Variants in SV2C observed in about 807,000 individuals in gnomAD.
SV2C encodes synaptic vesicle glycoprotein 2C, also known as solute carrier family 22 member B3.
A neutral mutation model predicts 79.7 loss-of-function variants in SV2C; 49 were observed. The observed-to-expected ratio is 0.61, with a 90% CI of 0.49 to 0.78. The LOEUF is 0.78. Among genes scored for constraint, SV2C ranks in the 30% least tolerant of loss-of-function variants. The pLI, the probability that SV2C is intolerant of heterozygous loss-of-function variation, is 0.00. For synonymous variants in SV2C, 334 were observed against 333.2 expected (o/e 1.00, Z -0.03); for missense variants, 833 against 912.9 (o/e 0.91, Z 1.13).
intron 1 of SV2C, among the ~76,000 whole-genome samples, chr5:76,113,143 C>T (rs1748146759): frequency 6.6e-6 from 1 of 152,222 alleles, no homozygotes; most frequent in Non-Finnish European, 1.5e-5. Context: ...CTTACTATGT[C>T]TTTTAATAAG....
chr5:75,934,988 T>C, the SV2C span, among the ~76,000 whole-genome samples: 1 of 151,966 alleles, frequency 6.6e-6, no homozygotes, highest in Admixed American at 6.6e-5. Flanking sequence ...AATATTAATA[T>C]ATAGAAATGC....
At chr5:76,201,981 A>C (rs1286185725) in intron 3 of SV2C, among the ~76,000 whole-genome samples, 1 of 140,442 alleles carries the variant, frequency 7.1e-6, no homozygotes, top group Non-Finnish European at 1.5e-5. Context: ...GCGCCACTGC[A>C]CTCCAGCCTG....
At chr5:76,051,821 C>G in the SV2C span, among the ~76,000 whole-genome samples, 1 of 151,912 alleles carries the variant, frequency 6.6e-6, no homozygotes, top group South Asian at 2.1e-4. Flanking sequence ...TGTATGCATT[C>G]TTTGAATGAT....
intron 4 of SV2C, among the ~76,000 whole-genome samples, chr5:76,275,217 G>C (rs1417375282): frequency 6.6e-6 from 1 of 152,192 alleles, no homozygotes; most frequent in African/African-American, 2.4e-5. Context: ...GCCAGGTGCA[G>C]TGGCTCACGC....
the SV2C span, among the ~76,000 whole-genome samples, chr5:75,934,319 T>TTTTTTTTTTTTTTTTTTTTTTTTC: frequency 6.8e-6 from 1 of 146,864 alleles, no homozygotes; most frequent in African/African-American, 2.6e-5. Flanking sequence ...TTTTTTTTTT[T>TTTTTTTTTTTTTTTTTTTTTTTTC]CACTGTCGCT....
At chr5:75,999,622 G>T in the SV2C span, among the ~76,000 whole-genome samples, 1 of 149,152 alleles carries the variant, frequency 6.7e-6, no homozygotes, top group Admixed American at 6.8e-5. Context: ...AATAAAATCG[G>T]TGGGTGGGGT....
chr5:76,183,661 C>G (rs1248632215), intron 2 of SV2C, among the ~76,000 whole-genome samples: 1 of 152,110 alleles, frequency 6.6e-6, no homozygotes, highest in South Asian at 2.1e-4. Context: ...TTTCCTCCAG[C>G]CTTCTCTCTT....
At chr5:76,045,137 C>G in the SV2C span, among the ~76,000 whole-genome samples, 1 of 152,170 alleles carries the variant, frequency 6.6e-6, no homozygotes, top group Non-Finnish European at 1.5e-5. Context: ...GTATGGCTAA[C>G]CAGTTTTCCC....
At chr5:75,921,880 C>T in the SV2C span, among the ~76,000 whole-genome samples, 1 of 151,390 alleles carries the variant, frequency 6.6e-6, no homozygotes, top group African/African-American at 2.4e-5. Context: ...TTTGTTTATT[C>T]ATTCATTCAT....
At chr5:76,155,675 C>A (rs1330867100) in intron 2 of SV2C, among the ~76,000 whole-genome samples, 1 of 152,024 alleles carries the variant, frequency 6.6e-6, no homozygotes. Context: ...CTTGCCCTTG[C>A]TTGAAAGCTG....
At chr5:76,125,257 C>G in intron 1 of SV2C, among the ~76,000 whole-genome samples, 1 of 152,066 alleles carries the variant, frequency 6.6e-6, no homozygotes, top group African/African-American at 2.4e-5. Flanking sequence ...TAAGCAATTA[C>G]ATTTGGAAAA....
the SV2C span, among the ~76,000 whole-genome samples, chr5:75,860,107 A>C: frequency 1.3e-5 from 2 of 152,248 alleles, no homozygotes; most frequent in South Asian, 4.1e-4. Context: ...GGTTTCTTTA[A>C]CAGTTGATGA....
the SV2C span, among the ~76,000 whole-genome samples, chr5:75,952,382 C>G: frequency 1.1e-4 from 16 of 151,632 alleles, no homozygotes; most frequent in Admixed American, 1.1e-3. Context: ...CATTTCTCAA[C>G]ATTCCATCTT....
chr5:76,199,529 G>C (rs1043155851), intron 3 of SV2C, among the ~76,000 whole-genome samples: 18 of 152,276 alleles, frequency 1.2e-4, no homozygotes, highest in African/African-American at 4.1e-4. Flanking sequence ...TACAACTGAT[G>C]CCTGAAAATA....
the SV2C span, among the ~76,000 whole-genome samples, chr5:75,862,071 T>C: frequency 1.3e-5 from 2 of 152,222 alleles, no homozygotes; most frequent in Non-Finnish European, 2.9e-5. Context: ...ACATCATAAA[T>C]AAGTTCCCAT....
At chr5:76,094,090 A>G (rs1287255745) in intron 1 of SV2C, among the ~76,000 whole-genome samples, 1 of 152,178 alleles carries the variant, frequency 6.6e-6, no homozygotes, top group Non-Finnish European at 1.5e-5. Context: ...AAAGAAACAA[A>G]CAAGTAAATA....
chr5:75,975,908 G>A, the SV2C span, among the ~76,000 whole-genome samples: 1,009 of 152,250 alleles, frequency 6.6e-3, 20 homozygotes, highest in South Asian at 0.05. Context: ...AGAAGAAGCA[G>A]AGATTATGCT....
At chr5:76,310,495 G>A (rs1465376358) in intron 12 of SV2C, among the ~76,000 whole-genome samples, 1 of 152,214 alleles carries the variant, frequency 6.6e-6, no homozygotes, top group African/African-American at 2.4e-5. Flanking sequence ...TAGAGGGTAA[G>A]AAGCCATGGG....
chr5:76,121,124 A>G (rs1221757430), intron 1 of SV2C, among the ~76,000 whole-genome samples: 12 of 150,870 alleles, frequency 8.0e-5, no homozygotes, highest in South Asian at 6.2e-4. Flanking sequence ...GCCAGTGATG[A>G]TGAGCATTTT....
Sources: gnomAD v4.1 joint callset for allele counts (sites outside exome capture counted in the v4.1 genomes callset) on GRCh38, gnomAD v4.1.1 for gene constraint, MANE v1.5 for transcripts, NCBI Gene and HGNC (gene_info 2026-07-23, HGNC 2026-07-21) for gene names.